The following PAK2 variants were observed in gnomAD, a reference collection of about 807,000 sequenced individuals.
PAK2 encodes p21 (RAC1) activated kinase 2.
Under a neutral mutation model 65.9 loss-of-function variants are expected in PAK2, and 21 were observed. That is an observed-to-expected ratio of 0.32 (90% confidence interval 0.23 to 0.46). PAK2 has a LOEUF of 0.46. Ranked by LOEUF, PAK2 falls within the 20% of genes least tolerant of loss-of-function variation. The pLI is 1.00. For missense variants in PAK2, 324 were observed against 642.6 expected, an observed-to-expected ratio of 0.50 and a Z score of 5.36; for synonymous variants, 204 against 219.7, an observed-to-expected ratio of 0.93 and a Z score of 0.63.
At chr3:196,781,189 T>C (rs1714703929) in intron 1 of PAK2, among the ~76,000 whole-genome samples, 1 of 152,230 alleles carries the variant, frequency 6.6e-6, no homozygotes, top group African/African-American at 2.4e-5. Context: ...TTTCATTGTA[T>C]ATATGCAAGG....
chr3:196,809,581 C>T (rs1313114858), intron 7 of PAK2, among the ~76,000 whole-genome samples: 1 of 150,440 alleles, frequency 6.6e-6, no homozygotes, highest in Non-Finnish European at 1.5e-5. Flanking sequence ...TGACCTCAGG[C>T]ATGAGTCACC....
At chr3:196,759,489 G>GTTTTTTTTTTTTTTTTTTTTTT (rs1418582155) in intron 1 of PAK2, among the ~76,000 whole-genome samples, 3 of 98,882 alleles carry the variant, frequency 3.0e-5, no homozygotes, top group Admixed American at 1.2e-4. Context: ...CAGTTAAGTG[G>GTTTTTTTTTTTTTTTTTTTTTT]TTTTTTTTGT....
chr3:196,808,289 G>A lies in PAK2; in HGVS notation c.709+375G>A, dbSNP rs912084108. 7.2e-5 allele frequency among the ~76,000 whole-genome samples: 11 copies of A among 151,760 alleles called. No homozygotes were observed. The South Asian group carries it at 2.1e-3, about 29-fold the overall frequency. Reference sequence around the variant, plus strand: ...CCAAGATTGCGTCGTTGGGCTGGGCGCGGTGGCTCACGCCTGTAATCCCAG... The same window carrying A: ...CCAAGATTGCGTCGTTGGGCTGGGCACGGTGGCTCACGCCTGTAATCCCAG... On this transcript the variant is annotated intron_variant, in intron 7 of 14. Coordinates refer to ENST00000327134, the MANE Select transcript of PAK2 (RefSeq NM_002577.4).
At chr3:196,823,099 G>A (rs1711706846) in intron 13 of PAK2, among the ~76,000 whole-genome samples, 1 of 152,130 alleles carries the variant, frequency 6.6e-6, no homozygotes, top group South Asian at 2.1e-4. Context: ...TGGCTGCGTT[G>A]TTGAGAGATC....
chr3:196,798,268 G>C (rs1715318252), intron 2 of PAK2, among the ~76,000 whole-genome samples: 1 of 152,086 alleles, frequency 6.6e-6, no homozygotes, highest in African/African-American at 2.4e-5. Flanking sequence ...GAGAATGAGA[G>C]AGGTGGTGGC....
chr3:196,825,933 T>A (rs904637638), intron 13 of PAK2, among the ~76,000 whole-genome samples: 6 of 152,018 alleles, frequency 3.9e-5, no homozygotes, highest in Non-Finnish European at 1.5e-5. Context: ...AACCTCCACC[T>A]CCCATATTCA....
chr3:196,775,446 G>A (rs1714504341), intron 1 of PAK2, among the ~76,000 whole-genome samples: 1 of 151,498 alleles, frequency 6.6e-6, no homozygotes, highest in Non-Finnish European at 1.5e-5. Flanking sequence ...GCAGTGGTAC[G>A]ATCTCGGCTC....
intron 1 of PAK2, among the ~76,000 whole-genome samples, chr3:196,774,061 G>A (rs1462153561): frequency 6.6e-6 from 1 of 152,008 alleles, no homozygotes; most frequent in Admixed American, 6.6e-5. Flanking sequence ...AAAAATCTGT[G>A]GACACAGTAT....
chr3:196,783,921 A>T (rs76431094), intron 2 of PAK2, among the ~76,000 whole-genome samples: 4,378 of 152,258 alleles, frequency 0.029, 96 homozygotes, highest in Non-Finnish European at 0.042. Flanking sequence ...ACTGCTGTGT[A>T]TTGCTACACT....
intron 11 of PAK2, among the ~76,000 whole-genome samples, chr3:196,816,840 T>C (rs1716042608): frequency 6.6e-6 from 1 of 152,182 alleles, no homozygotes; most frequent in African/African-American, 2.4e-5. Context: ...TACCCCCACT[T>C]TGTGACTCAG....
chr3:196,800,089 A>G (rs896953029), intron 2 of PAK2, among the ~76,000 whole-genome samples: 11 of 152,216 alleles, frequency 7.2e-5, no homozygotes, highest in African/African-American at 1.4e-4. Context: ...AAATCAAGAA[A>G]TAAATTCTCA....
Position 196,791,652 on chromosome 3 carries a change from TG to T in PAK2, c.187+8821del, listed in dbSNP as rs1389568002. Among the ~76,000 whole-genome samples, 3 of 152,008 alleles carry T rather than the reference TG, an allele frequency of 2.0e-5. No individual in the cohort carries two copies. Among genetic ancestry groups the T allele is most frequent in the Non-Finnish European group, 4.4e-5 (3 of 67,988 alleles). On this transcript the variant is annotated intron_variant, in intron 2 of 14. Transcript: ENST00000327134. This position sits in a 1 kb window ranked among gnomAD's most constrained non-coding sequence, Gnocchi z 4.0. ...AGAAATATAATTCCTGGGCCGGGCG[TG>T]GTGGCTCACGCCTGTAATCCCAGCA...
intron 1 of PAK2, among the ~76,000 whole-genome samples, chr3:196,763,720 G>A (rs1278664835): frequency 6.6e-6 from 1 of 152,166 alleles, no homozygotes; most frequent in Non-Finnish European, 1.5e-5. Flanking sequence ...ATAGAATATA[G>A]ACAAGTATTA....
intron 2 of PAK2, among the ~76,000 whole-genome samples, chr3:196,794,105 T>G (rs562675934): frequency 5.9e-5 from 9 of 152,140 alleles, no homozygotes; most frequent in Non-Finnish European, 1.2e-4. Flanking sequence ...CACTCCAGCC[T>G]GGGCAACAGT....
chr3:196,751,662 T>TA (rs1491371013), intron 1 of PAK2, among the ~76,000 whole-genome samples: 13,200 of 50,114 alleles, frequency 0.26, 2,275 homozygotes, highest in Non-Finnish European at 0.31. Context: ...AACACACAAA[T>TA]TTATTTATAT....
intron 2 of PAK2, among the ~76,000 whole-genome samples, chr3:196,787,746 G>C (rs560681161): frequency 6.6e-6 from 1 of 152,244 alleles, no homozygotes; most frequent in East Asian, 1.9e-4. Context: ...AGAGATGTGT[G>C]GAATGTTTGG....
At chr3:196,811,193 T>TC (rs1715775444) in intron 8 of PAK2, among the ~76,000 whole-genome samples, 1 of 73,786 alleles carries the variant, frequency 1.4e-5, no homozygotes, top group African/African-American at 4.6e-5. Flanking sequence ...CCATATGAAT[T>TC]CCTTCCTCCC....
At chr3:196,745,258 G>A (rs1713336076) in intron 1 of PAK2, among the ~76,000 whole-genome samples, 1 of 150,000 alleles carries the variant, frequency 6.7e-6, no homozygotes, top group Non-Finnish European at 1.5e-5. Context: ...GGGATTACAG[G>A]CACCATACCA....
intron 1 of PAK2, among the ~76,000 whole-genome samples, chr3:196,740,413 G>A (rs1379782681): frequency 6.6e-6 from 1 of 152,094 alleles, no homozygotes; most frequent in Non-Finnish European, 1.5e-5. Context: ...GACTCTTCCT[G>A]GACCCAGCCC....
Sources: allele counts gnomAD v4.1 joint callset (sites outside exome capture counted in the v4.1 genomes callset), GRCh38; gene constraint gnomAD v4.1.1; non-coding constraint Gnocchi (gnomAD v3.1); transcripts MANE v1.5; gene names NCBI Gene and HGNC (gene_info 2026-07-23, HGNC 2026-07-21).